The following NMBR variants were observed in gnomAD, a reference collection of about 807,000 sequenced individuals.
NMBR encodes the protein neuromedin-B receptor.
A neutral mutation model predicts 20.5 loss-of-function variants in NMBR; 16 were observed. The observed-to-expected ratio is 0.78, with a 90% confidence interval of 0.53 to 1.19. NMBR has a LOEUF of 1.19. Among genes scored for constraint, NMBR ranks in the 50% most tolerant of loss-of-function variants. NMBR has a pLI of 0.00. For synonymous variants in NMBR, 212 were observed against 196.6 expected (o/e 1.08, Z -0.65); for missense variants, 582 against 499.1 (o/e 1.17, Z -1.58).
intron 1 of NMBR, among the ~76,000 whole-genome samples, 192 bp downstream of exon 1, chr6:142,146,852 T>TAAAGGATA (rs1195343327): frequency 6.6e-6 from 1 of 152,252 alleles, no homozygotes; most frequent in Non-Finnish European, 1.5e-5. Flanking sequence ...AGGACACTGC[T>TAAAGGATA]ATATGGAATA....
At chr6:142,121,910 T>C (rs1280170093) in intron 1 of NMBR, among the ~76,000 whole-genome samples, 3 of 151,896 alleles carry the variant, frequency 2.0e-5, no homozygotes, top group Non-Finnish European at 4.4e-5. Context: ...GTAGTCAATA[T>C]GCAGCCATTG....
chr6:142,141,507 GT>G (rs1040912688), intron 1 of NMBR, among the ~76,000 whole-genome samples: 104 of 144,638 alleles, frequency 7.2e-4, no homozygotes, highest in East Asian at 1.4e-3. Flanking sequence ...GTGTTGCTTT[GT>G]TTTTTTTTTT....
chr6:142,105,644 TTTTG>T (rs2114584727), intron 1 of NMBR, among the ~76,000 whole-genome samples: 1 of 152,280 alleles, frequency 6.6e-6, no homozygotes, highest in Non-Finnish European at 1.5e-5. Context: ...AAAAGCACAT[TTTTG>T]TTTATACTTT....
intron 1 of NMBR, among the ~76,000 whole-genome samples, chr6:142,094,220 T>A (rs1329934785): frequency 6.6e-6 from 1 of 152,124 alleles, no homozygotes; most frequent in African/African-American, 2.4e-5. Flanking sequence ...CATGAAGTCC[T>A]TGCCCATGCC....
At chr6:142,128,135 A>G (rs2044721866) in intron 1 of NMBR, among the ~76,000 whole-genome samples, 1 of 151,918 alleles carries the variant, frequency 6.6e-6, no homozygotes. Context: ...TGGTTGTTTA[A>G]AAGTGTGTAG....
intron 1 of NMBR, among the ~76,000 whole-genome samples, chr6:142,089,587 G>C (rs1777282334): frequency 6.6e-6 from 1 of 152,032 alleles, no homozygotes; most frequent in African/African-American, 2.4e-5. Flanking sequence ...CCACCATTTG[G>C]CTTGTTATTG....
At chr6:142,136,192 C>T (rs577999403) in intron 1 of NMBR, among the ~76,000 whole-genome samples, 2 of 152,318 alleles carry the variant, frequency 1.3e-5, no homozygotes, top group South Asian at 2.1e-4. Context: ...GCCATTCTAA[C>T]TGGTGTGAGA....
intron 1 of NMBR, among the ~76,000 whole-genome samples, chr6:142,091,459 A>G (rs1195750847): frequency 6.6e-6 from 1 of 152,182 alleles, no homozygotes; most frequent in Non-Finnish European, 1.5e-5. Context: ...TCTTGGGCTC[A>G]AGCAATCCTC....
intron 1 of NMBR, among the ~76,000 whole-genome samples, chr6:142,114,574 G>A (rs973204685): frequency 6.6e-6 from 1 of 151,972 alleles, no homozygotes; most frequent in Non-Finnish European, 1.5e-5. Flanking sequence ...ATAACATCAG[G>A]GTTCAAGAAA....
At chr6:142,140,744 T>A (rs1778349385) in intron 1 of NMBR, among the ~76,000 whole-genome samples, 1 of 152,172 alleles carries the variant, frequency 6.6e-6, no homozygotes, top group South Asian at 2.1e-4. Flanking sequence ...GGAAAAGATG[T>A]ATCATGCAAA....
Position 142,116,932 on chromosome 6 carries a change from T to C in NMBR, c.-663-27611A>G, listed in dbSNP as rs551695612. On this transcript the variant is annotated intron_variant, in intron 1 of 3. Coordinates refer to ENST00000258042, the MANE Select transcript of NMBR (RefSeq NM_002511.4). ...ATCATGATTAATATTATTAGAAATCTGCCACCTCACTGAAAATGTTAAGAA... is the reference window on the plus strand; with the variant it reads ...ATCATGATTAATATTATTAGAAATCCGCCACCTCACTGAAAATGTTAAGAA... 1.4e-4 allele frequency among the ~76,000 whole-genome samples: 21 copies of C among 152,120 alleles called. No homozygotes were observed. In the South Asian group the frequency reaches 3.9e-3, roughly 29 times the overall value.
intron 1 of NMBR, among the ~76,000 whole-genome samples, chr6:142,136,756 C>T (rs1262571558): frequency 1.3e-5 from 2 of 152,136 alleles, no homozygotes; most frequent in African/African-American, 2.4e-5. Flanking sequence ...ATAGGGAATC[C>T]TTTCCCCATT....
chr6:142,133,767 T>C lies in NMBR; in HGVS notation c.-664+13277A>G, dbSNP rs1051505173. 1.5e-5 allele frequency: 8 copies of C among 530,730 alleles called. No homozygotes were observed. In the African/African-American group the frequency reaches 1.5e-4, roughly 10 times the overall value. 32.9% of individuals were successfully genotyped at this position (530,730 alleles called of 1,614,324 possible). On this transcript the variant is annotated intron_variant, in intron 1 of 3. Transcript: ENST00000258042. ...AAAACTTCTTGACTCTTACATTTTT[T>C]AAATGTGATATAAGGATTTTTTTAA...
intron 2 of NMBR, among the ~76,000 whole-genome samples, chr6:142,084,227 C>T (rs1777157873): frequency 1.3e-5 from 2 of 152,186 alleles, no homozygotes; most frequent in Non-Finnish European, 2.9e-5. Flanking sequence ...CAAATAATTA[C>T]ACTCAATAAA....
chr6:142,098,230 G>T (rs1000808189), intron 1 of NMBR, among the ~76,000 whole-genome samples: 2 of 152,084 alleles, frequency 1.3e-5, no homozygotes, highest in Admixed American at 6.6e-5. Flanking sequence ...AGAAAAATTT[G>T]CCAAGATGAG....
At chr6:142,125,238 A>G (rs1164554411) in intron 1 of NMBR, among the ~76,000 whole-genome samples, 1 of 151,808 alleles carries the variant, frequency 6.6e-6, no homozygotes, top group African/African-American at 2.4e-5. Flanking sequence ...AGAAGGGTAA[A>G]TTACTCTGAC....
At chr6:142,109,650 C>G (rs903230263) in intron 1 of NMBR, among the ~76,000 whole-genome samples, 7 of 151,878 alleles carry the variant, frequency 4.6e-5, no homozygotes, top group Admixed American at 4.6e-4. Context: ...AGTGAGTTAC[C>G]ACATCACACT....
chr6:142,123,000 T>C (rs925200415), intron 1 of NMBR, among the ~76,000 whole-genome samples: 6 of 151,894 alleles, frequency 4.0e-5, no homozygotes, highest in African/African-American at 1.2e-4. Context: ...TAAGTCTTAT[T>C]ATATAAGGAA....
intron 1 of NMBR, among the ~76,000 whole-genome samples, chr6:142,089,647 A>G (rs949928216): frequency 1.3e-5 from 2 of 152,158 alleles, no homozygotes; most frequent in African/African-American, 4.8e-5. Flanking sequence ...CATTCAGCAT[A>G]CACTCTTGTG....
Sources: allele counts gnomAD v4.1 joint callset (sites outside exome capture counted in the v4.1 genomes callset), GRCh38; gene constraint gnomAD v4.1.1; transcripts MANE v1.5; gene names NCBI Gene and HGNC (gene_info 2026-07-23, HGNC 2026-07-21).